Variants in ARHGAP15 observed in about 807,000 individuals in gnomAD.
ARHGAP15 encodes rho GTPase-activating protein 15.
A neutral mutation model predicts 63.7 loss-of-function variants in ARHGAP15; 51 were observed. The ratio of observed to expected loss-of-function variants is 0.80; its 90% CI spans 0.64 to 1.01. The LOEUF is 1.01. ARHGAP15 is among the 50% of genes least tolerant of loss of function. ARHGAP15 has a pLI of 0.00. For synonymous variants in ARHGAP15, 191 were observed against 193.8 expected (o/e 0.99, Z 0.12); for missense variants, 560 against 564.6 (o/e 0.99, Z 0.08).
intron 1 of ARHGAP15, among the ~76,000 whole-genome samples, chr2:143,135,042 C>T (rs2104981160): frequency 6.6e-6 from 1 of 152,204 alleles, no homozygotes; most frequent in African/African-American, 2.4e-5. Context: ...AATAAAGGAA[C>T]CCAACAAGGT....
chr2:143,348,676 C>G (rs1004229067), intron 6 of ARHGAP15, among the ~76,000 whole-genome samples: 1 of 152,088 alleles, frequency 6.6e-6, no homozygotes, highest in African/African-American at 2.4e-5. Context: ...TAGAGGTACA[C>G]GTTTACATGT....
chr2:143,541,983 T>C (rs1435791042), intron 10 of ARHGAP15, among the ~76,000 whole-genome samples: 1 of 152,200 alleles, frequency 6.6e-6, no homozygotes, highest in Non-Finnish European at 1.5e-5. Context: ...AGGTGGAGCC[T>C]ACAGAGGCAG....
chr2:143,144,602 C>T (rs965728531), intron 1 of ARHGAP15, among the ~76,000 whole-genome samples: 5 of 151,984 alleles, frequency 3.3e-5, no homozygotes, highest in Non-Finnish European at 5.9e-5. Context: ...GTCTGGTTGA[C>T]AAAGTACCAT....
intron 8 of ARHGAP15, among the ~76,000 whole-genome samples, chr2:143,454,936 G>A (rs1215050330): frequency 1.3e-5 from 2 of 151,982 alleles, no homozygotes; most frequent in African/African-American, 2.4e-5. Flanking sequence ...TTTAAGCACT[G>A]GAGTTAAAGA....
intron 13 of ARHGAP15, among the ~76,000 whole-genome samples, chr2:143,742,636 T>G (rs1686003988): frequency 6.6e-6 from 1 of 152,228 alleles, no homozygotes; most frequent in Admixed American, 6.5e-5. Context: ...AGGTGAACTG[T>G]CCAACTCAAC....
chr2:143,647,158 T>C (rs376904321), intron 12 of ARHGAP15, among the ~76,000 whole-genome samples: 9 of 152,038 alleles, frequency 5.9e-5, no homozygotes, highest in African/African-American at 2.2e-4. Flanking sequence ...CATGTTATAC[T>C]GACTCAAACC....
At chr2:143,678,445 A>G (rs1264693621) in intron 12 of ARHGAP15, among the ~76,000 whole-genome samples, 1 of 152,184 alleles carries the variant, frequency 6.6e-6, no homozygotes, top group Non-Finnish European at 1.5e-5. Context: ...TTCCTTCTAG[A>G]ATTATAAGTG....
At chr2:143,399,748 G>T (rs1165783543) in intron 6 of ARHGAP15, among the ~76,000 whole-genome samples, 1 of 151,894 alleles carries the variant, frequency 6.6e-6, no homozygotes, top group Non-Finnish European at 1.5e-5. Flanking sequence ...CTGACTCCGG[G>T]TCTGCCTAGG....
intron 6 of ARHGAP15, among the ~76,000 whole-genome samples, chr2:143,291,581 C>A (rs1682403351): frequency 6.6e-6 from 1 of 152,076 alleles, no homozygotes; most frequent in South Asian, 2.1e-4. Flanking sequence ...CTTCAGAGAA[C>A]CCCAACAGCA....
chr2:143,378,697 CT>C (rs1316672006), intron 6 of ARHGAP15, among the ~76,000 whole-genome samples: 1 of 152,046 alleles, frequency 6.6e-6, no homozygotes, highest in Non-Finnish European at 1.5e-5. Flanking sequence ...GTTTTATCTC[CT>C]TCCCCCTCCA....
intron 6 of ARHGAP15, among the ~76,000 whole-genome samples, chr2:143,380,616 G>T (rs1037003038): frequency 2.0e-5 from 3 of 152,084 alleles, no homozygotes; most frequent in Non-Finnish European, 4.4e-5. Context: ...GATGCCTAAA[G>T]CCCATATACA....
At chr2:143,468,475 G>A (rs1307575139) in intron 8 of ARHGAP15, among the ~76,000 whole-genome samples, 2 of 152,002 alleles carry the variant, frequency 1.3e-5, no homozygotes, top group Admixed American at 6.5e-5. Flanking sequence ...TTTTAGAAAT[G>A]GATATTGATT....
At chr2:143,510,518 C>A (rs1029784332) in intron 9 of ARHGAP15, among the ~76,000 whole-genome samples, 32 of 151,980 alleles carry the variant, frequency 2.1e-4, no homozygotes, top group African/African-American at 7.2e-4. Flanking sequence ...CTTCCAATTT[C>A]ATGGCTCCGC....
At chr2:143,561,383 C>A (rs953637280) in intron 11 of ARHGAP15, among the ~76,000 whole-genome samples, 1 of 152,122 alleles carries the variant, frequency 6.6e-6, no homozygotes, top group Non-Finnish European at 1.5e-5. Flanking sequence ...GAAGCATTGC[C>A]GGAAGAACTG....
chr2:143,634,997 T>C (rs1382986439), intron 12 of ARHGAP15, among the ~76,000 whole-genome samples: 1 of 152,004 alleles, frequency 6.6e-6, no homozygotes, highest in Non-Finnish European at 1.5e-5. Context: ...CTTCTCTCAG[T>C]TGGGAAATTT....
chr2:143,148,020 C>CA (rs1689658391), intron 1 of ARHGAP15, among the ~76,000 whole-genome samples: 1 of 152,008 alleles, frequency 6.6e-6, no homozygotes, highest in Non-Finnish European at 1.5e-5. Flanking sequence ...ATCTATAAGA[C>CA]AAAATCCCAA....
chr2:143,458,333 G>A (rs1179999904), intron 8 of ARHGAP15, among the ~76,000 whole-genome samples: 2 of 152,154 alleles, frequency 1.3e-5, no homozygotes, highest in Non-Finnish European at 2.9e-5. Flanking sequence ...ACACCGCTGT[G>A]TCTGCAGCTA....
chr2:143,574,086 G>A (rs1224568389), intron 11 of ARHGAP15, among the ~76,000 whole-genome samples: 7 of 152,110 alleles, frequency 4.6e-5, no homozygotes, highest in Non-Finnish European at 7.4e-5. Context: ...GAAAATAGTG[G>A]TACCTGAACC....
At chr2:143,276,564 A>T (rs1409368005) in intron 6 of ARHGAP15, among the ~76,000 whole-genome samples, 1 of 152,206 alleles carries the variant, frequency 6.6e-6, no homozygotes, top group Non-Finnish European at 1.5e-5. Context: ...ATTTTTATGC[A>T]TATTTTCATA....
Sources: allele counts gnomAD v4.1 joint callset (sites outside exome capture counted in the v4.1 genomes callset), GRCh38; gene constraint gnomAD v4.1.1; transcripts MANE v1.5; gene names NCBI Gene and HGNC (gene_info 2026-07-23, HGNC 2026-07-21).